USP50: variants seen among roughly 807,000 people sequenced by gnomAD.
The protein encoded by USP50 is ubiquitin specific peptidase 50, also known as ubiquitin carboxyl-terminal hydrolase 50.
A neutral mutation model predicts 39.2 loss-of-function variants in USP50; 37 were observed. That is an observed-to-expected ratio of 0.94 (90% CI 0.73 to 1.24). USP50 has a LOEUF of 1.24. USP50 is among the 50% of genes most tolerant of loss of function. The pLI is 0.00. For synonymous variants in USP50, 139 were observed against 144.5 expected (o/e 0.96, Z 0.27); for missense variants, 374 against 398.2 (o/e 0.94, Z 0.52).
chr15:50,497,083 TGCCAGGA>T (rs1397416867), downstream of USP50: 2 of 1,586,384 alleles, frequency 1.3e-6, no homozygotes, highest in Middle Eastern at 1.7e-4. Context: ...TGTTTTTTTC[TGCCAGGA>T]TTGCCTTAGA....
downstream of USP50, chr15:50,493,142 C>CGAAA: frequency 1.6e-6 from 1 of 609,566 alleles, no homozygotes; most frequent in East Asian, 3.5e-5. Context: ...AAGGTGGAAG[C>CGAAA]GAAAGAGGAC....
rs201737138 is a variant in USP50 at position 50,545,694 on chromosome 15, AAC to A, written c.53+777_53+778del. 3.0e-4 allele frequency among the ~76,000 whole-genome samples: 46 copies of A among 151,388 alleles called. No homozygotes were observed. The Middle Eastern group carries it at 0.01, about 34-fold the overall frequency. On this transcript the variant is annotated intron_variant, in intron 1 of 6. Transcript: ENST00000532404. ...GTATGTATATAGCTATATACATATAAACACACACACACACATATACACGGAGA... is the reference window on the plus strand; with the variant it reads ...GTATGTATATAGCTATATACATATAAACACACACACACATATACACGGAGA...
chr15:50,516,768 TATATAC>T (rs1333159510), intron 6 of USP50, among the ~76,000 whole-genome samples: 1 of 128,364 alleles, frequency 7.8e-6, no homozygotes, highest in Non-Finnish European at 1.7e-5. Context: ...TATATATATA[TATATAC>T]AGAGTGGTAG....
At chr15:50,546,194 A>G (rs2053069569) in intron 1 of USP50, among the ~76,000 whole-genome samples, 2 of 152,180 alleles carry the variant, frequency 1.3e-5, no homozygotes, top group Admixed American at 1.3e-4. Context: ...CATACTTTTA[A>G]GTACAGTTAT....
intron 3 of USP50, among the ~76,000 whole-genome samples, chr15:50,543,011 C>CA (rs2053042350): frequency 6.6e-6 from 1 of 152,084 alleles, no homozygotes; most frequent in Non-Finnish European, 1.5e-5. Flanking sequence ...TAAATAAAGG[C>CA]AAAACCTCTA....
chr15:50,521,916 A>G (rs2052854176), intron 6 of USP50, among the ~76,000 whole-genome samples: 1 of 152,220 alleles, frequency 6.6e-6, no homozygotes, highest in African/African-American at 2.4e-5. Context: ...GTGAGCCAAG[A>G]TCGTACCACT....
chr15:50,498,685 G>A, downstream of USP50: 2 of 1,612,382 alleles, frequency 1.2e-6, no homozygotes, highest in Non-Finnish European at 1.7e-6. Context: ...TATGTTATTG[G>A]TCCAAAGAAC....
Position 50,546,571 on chromosome 15 carries a change from T to A in USP50, c.-46A>T, listed in dbSNP as rs756748788. The A allele has an allele frequency of 6.2e-6, 10 of 1,601,436 alleles. No homozygotes were observed. Among genetic ancestry groups the A allele is most frequent in the African/African-American group, 1.3e-5 (1 of 74,692 alleles). ...CTTTTGCTTCTATTCAGGAGCTACA[T>A]CTATTCCTTTCAACTTCATTTCTCT... On this transcript the variant is annotated 5_prime_UTR_variant, in exon 1 of 7. The change abolishes an upstream ATG in the 5' untranslated region. Transcript: ENST00000532404.
At chr15:50,537,831 C>T (rs1171102520) in intron 5 of USP50, among the ~76,000 whole-genome samples, 1 of 134,748 alleles carries the variant, frequency 7.4e-6, no homozygotes, top group African/African-American at 2.7e-5. Context: ...TGCACTCCAG[C>T]CTGGGTGACA....
chr15:50,493,062 C>A (rs142336644), downstream of USP50: 16 of 862,094 alleles, frequency 1.9e-5, no homozygotes, highest in African/African-American at 2.5e-4. Context: ...TCTCTTAGTT[C>A]TTGACTGGGA....
chr15:50,497,229 A>T, downstream of USP50: 3 of 1,600,052 alleles, frequency 1.9e-6, no homozygotes, highest in Non-Finnish European at 2.6e-6. Context: ...TGCATCTGAA[A>T]CGGTAAAGGG....
intron 6 of USP50, among the ~76,000 whole-genome samples, chr15:50,525,752 ACAT>A (rs2052892748): frequency 7.1e-6 from 1 of 140,144 alleles, no homozygotes; most frequent in Non-Finnish European, 1.6e-5. Flanking sequence ...ATCTCTCAAA[ACAT>A]CACATTGCAC....
downstream of USP50, chr15:50,498,489 A>AC: frequency 7.3e-7 from 1 of 1,376,898 alleles, no homozygotes; most frequent in Non-Finnish European, 9.6e-7. Flanking sequence ...AAGTCTTTGT[A>AC]TTTGAAATGG....
downstream of USP50, chr15:50,495,894 A>G (rs759355507): frequency 2.5e-6 from 4 of 1,613,796 alleles, no homozygotes; most frequent in African/African-American, 2.7e-5. Flanking sequence ...GATCATCTCG[A>G]TGACTTTAAA....
At chr15:50,514,166 G>C (rs1484925025) in intron 6 of USP50, 3 of 152,134 alleles carry the variant, frequency 2.0e-5, no homozygotes, top group African/African-American at 7.2e-5. Context: ...ACAAAAAAAG[G>C]ATATACTGTA....
intron 6 of USP50, chr15:50,503,485 A>T (rs1371203400): frequency 1.3e-5 from 2 of 152,274 alleles, no homozygotes; most frequent in Non-Finnish European, 2.9e-5. Flanking sequence ...CTACAAGGTG[A>T]GAAGTTGGAT....
chr15:50,538,631 G>A, intron 5 of USP50, 78 bp downstream of exon 5: 1 of 1,387,254 alleles, frequency 7.2e-7, no homozygotes, highest in Non-Finnish European at 9.6e-7. Context: ...CTCTAAATGG[G>A]TGAATTATTG....
chr15:50,544,747 C>T lies in USP50; in HGVS notation c.88G>A (p.Val30Ile). Residue 30 changes from valine (V) to isoleucine (I), a missense_variant, in exon 2 of 7, where the codon GTT (valine) becomes ATT (isoleucine). Coordinates refer to ENST00000532404, the MANE Select transcript of USP50 (RefSeq NM_203494.5). ...ECTDYYDTLP[V>I]KEADGNQPHF... ...GGCTGGTTCCCATCAGCCTCCTTAA[C>T]TGGAAGGGTATCATAGTAATCTGTG... The T allele has an allele frequency of 5.0e-6, 8 of 1,614,004 alleles. No individual in the cohort carries two copies. The highest frequency in any genetic ancestry group is 6.8e-6 in the Non-Finnish European group (8 of 1,179,892).
intron 6 of USP50, among the ~76,000 whole-genome samples, chr15:50,526,087 TTC>T (rs1409672638): frequency 2.0e-5 from 3 of 152,090 alleles, no homozygotes; most frequent in Admixed American, 2.0e-4. Flanking sequence ...TAGGCAGGGT[TTC>T]TCTCTGTTGC....
Sources: allele counts gnomAD v4.1 joint callset (sites outside exome capture counted in the v4.1 genomes callset), GRCh38; gene constraint gnomAD v4.1.1; transcripts MANE v1.5; gene names NCBI Gene and HGNC (gene_info 2026-07-23, HGNC 2026-07-21).